MTAP: variants seen among roughly 807,000 people sequenced by gnomAD.
The protein encoded by MTAP is methylthioadenosine phosphorylase, also known as S-methyl-5'-thioadenosine phosphorylase.
A neutral mutation model predicts 33.6 loss-of-function variants in MTAP; 33 were observed. The ratio of observed to expected loss-of-function variants is 0.98; its 90% CI spans 0.74 to 1.31. The LOEUF is 1.31. Ranked by LOEUF, MTAP falls within the 40% of genes most tolerant of loss-of-function variation. The pLI is 0.00. For synonymous variants in MTAP, 148 were observed against 125.7 expected, an observed-to-expected ratio of 1.18 and a Z score of -1.19; for missense variants, 367 against 360.0, an observed-to-expected ratio of 1.02 and a Z score of -0.16.
At chr9:21,887,268 C>T (rs537942686) in intron 1 of MTAP, among the ~76,000 whole-genome samples, 1 of 152,058 alleles carries the variant, frequency 6.6e-6, no homozygotes, top group African/African-American at 2.4e-5. Context: ...CCTCTCCCCC[C>T]ACCCCATAAT....
chr9:21,915,017 T>TTCCCTCCCTCCCTCCCTCCCTCCCTCCC (rs1554649225), intron 1 of MTAP, among the ~76,000 whole-genome samples: 7 of 95,962 alleles, frequency 7.3e-5, no homozygotes, highest in Admixed American at 1.2e-4. Flanking sequence ...CCTTCCTTCC[T>TTCCCTCCCTCCCTCCCTCCCTCCCTCCC]TCCTTCCTTC....
chr9:21,939,388 G>C (rs7872310), downstream of MTAP, among the ~76,000 whole-genome samples: 2 of 152,078 alleles, frequency 1.3e-5, no homozygotes, highest in Non-Finnish European at 2.9e-5. Context: ...CAGATTTAAC[G>C]TAACTTTTTC....
chr9:21,880,258 T>C (rs576596432), intron 1 of MTAP, among the ~76,000 whole-genome samples: 3 of 152,240 alleles, frequency 2.0e-5, no homozygotes, highest in Admixed American at 1.3e-4. Flanking sequence ...TTTTGCCATA[T>C]CATTTTACAA....
Position 21,915,050 on chromosome 9 carries a change from TCCTTCC to T in MTAP, c.148-15957_148-15952del, listed in dbSNP as rs1479308436. The stretch of plus-strand genomic sequence containing the variant: ...TTCCTTCCTTCCTTCCTTCCTTCCT[TCCTTCC>T]TTTCTTTCTTTCTTTCTTTCTTTCT... On this transcript the variant is annotated intron_variant, in intron 1 of 1. Coordinates refer to the MTAP transcript ENST00000577563. Among the ~76,000 whole-genome samples, 58 of 104,030 alleles carry T rather than the reference TCCTTCC, an allele frequency of 5.6e-4. 3 individuals carry two copies. Among genetic ancestry groups the T allele is most frequent in the South Asian group, 1.4e-3 (4 of 2,878 alleles). 68.2% of individuals were successfully genotyped at this position (104,030 alleles called of 152,430 possible).
intron 5 of MTAP, among the ~76,000 whole-genome samples, chr9:21,844,773 A>G (rs11532907): frequency 0.38 from 57,413 of 152,026 alleles, 11,608 homozygotes; most frequent in Admixed American, 0.47. Context: ...GGTGGCTCAC[A>G]CCTGTAATCC....
intron 1 of MTAP, among the ~76,000 whole-genome samples, chr9:21,809,836 G>C (rs1824300928): frequency 6.6e-6 from 1 of 152,186 alleles, no homozygotes; most frequent in South Asian, 2.1e-4. Context: ...TGGTTCAGGA[G>C]GGTGGGTGGC....
intron 1 of MTAP, among the ~76,000 whole-genome samples, chr9:21,920,935 G>T (rs1348127865): frequency 6.6e-6 from 1 of 152,128 alleles, no homozygotes. Context: ...TGTAGAAAGA[G>T]TTTGGAAGTA....
Position 21,802,674 on chromosome 9 carries a change from G to T in MTAP, c.-75G>T, listed in dbSNP as rs965743631. ...ACTCCCGCGCAGTGAGGTTGGCACA[G>T]CCACCGCTCTGTGGCTCGCTTGGTT... On this transcript the variant is annotated 5_prime_UTR_variant, in exon 1 of 8. Coordinates refer to ENST00000644715, the MANE Select transcript of MTAP (RefSeq NM_002451.4). 6.3e-7 allele frequency: 1 copy of T among 1,576,338 alleles called. No homozygotes were observed. Among genetic ancestry groups the T allele is most frequent in the East Asian group, 2.3e-5 (1 of 44,012 alleles).
chr9:21,802,867 ATGCGCCCGGCCCG>A, intron 1 of MTAP, 86 bp downstream of exon 1: 12 of 1,561,962 alleles, frequency 7.7e-6, no homozygotes, highest in Non-Finnish European at 1.0e-5. Flanking sequence ...TCCGGGGGCC[ATGCGCCCGGCCCG>A]TGCGTCCCTT....
chr9:21,897,821 G>C (rs1818321881), intron 1 of MTAP, among the ~76,000 whole-genome samples: 1 of 152,114 alleles, frequency 6.6e-6, no homozygotes, highest in Non-Finnish European at 1.5e-5. Context: ...GTAATTTATA[G>C]ATTCAATGCC....
At position 21,859,326 on chromosome 9, in the gene MTAP, G is replaced by A. The variant is rs753049769; in HGVS notation, c.714G>A (p.Lys238=). Residue 238 remains lysine (K), a synonymous_variant, in exon 7 of 8, where the codon AAG becomes AAA. Coordinates refer to ENST00000644715, the MANE Select transcript of MTAP (RefSeq NM_002451.4). The part of the protein sequence containing the change: ...EEAVSVDRVL[K]TLKENANKAK... The stretch of plus-strand genomic sequence containing the variant: ...AGGTTTCGGTGGACCGGGTCTTAAA[G>A]ACCCTGAAAGAAAACGCTAATAAAG... The A allele has an allele frequency of 5.6e-6, 9 of 1,612,832 alleles. No homozygotes were observed. The highest frequency in any genetic ancestry group is 7.6e-6 in the Non-Finnish European group (9 of 1,179,542).
At chr9:21,906,835 A>G (rs1282600238) in intron 1 of MTAP, among the ~76,000 whole-genome samples, 1 of 152,240 alleles carries the variant, frequency 6.6e-6, no homozygotes, top group Non-Finnish European at 1.5e-5. Context: ...CAATTACCAG[A>G]ATATAGAGTA....
chr9:21,851,818 T>G (rs1825518724), intron 5 of MTAP, among the ~76,000 whole-genome samples: 1 of 152,132 alleles, frequency 6.6e-6, no homozygotes, highest in South Asian at 2.1e-4. Flanking sequence ...AGAAAATTGT[T>G]AAAAGAGAGA....
At position 21,887,445 on chromosome 9, in the gene MTAP, C is replaced by T. The variant is rs181440450; in HGVS notation, c.147+32575C>T. Among the ~76,000 whole-genome samples, 214 of 152,266 alleles carry T rather than the reference C, an allele frequency of 1.4e-3. 2 individuals carry two copies. Among genetic ancestry groups the T allele is most frequent in the African/African-American group, 5.1e-3 (211 of 41,540 alleles). On this transcript the variant is annotated intron_variant, in intron 1 of 1. Coordinates refer to the MTAP transcript ENST00000577563. ...GTCCCTACAAAGGACATGAACTCAT[C>T]ATTTTTTATGGCTGCATAGTATTCC...
At chr9:21,940,251 T>C (rs1446205930), downstream of MTAP, among the ~76,000 whole-genome samples, 1 of 152,222 alleles carries the variant, frequency 6.6e-6, no homozygotes, top group Admixed American at 6.5e-5. Flanking sequence ...TGAGACTCCT[T>C]ATTAAAAGTC....
chr9:21,826,624 A>G (rs201981972), intron 4 of MTAP, among the ~76,000 whole-genome samples: 8 of 142,774 alleles, frequency 5.6e-5, no homozygotes, highest in East Asian at 2.4e-4. Context: ...TATTATTATT[A>G]TTATTATTAT....
intron 1 of MTAP, among the ~76,000 whole-genome samples, chr9:21,905,565 G>A (rs958554513): frequency 2.0e-5 from 3 of 152,112 alleles, no homozygotes; most frequent in African/African-American, 4.8e-5. Context: ...TTTCACTACA[G>A]GAGGTTAGAA....
intron 1 of MTAP, among the ~76,000 whole-genome samples, chr9:21,888,919 C>T (rs900062975): frequency 6.6e-6 from 1 of 152,038 alleles, no homozygotes; most frequent in Admixed American, 6.6e-5. Context: ...TAAAGGAAAA[C>T]CTATCAGATT....
chr9:21,897,182 C>A (rs1042925176), intron 1 of MTAP, among the ~76,000 whole-genome samples: 2 of 152,224 alleles, frequency 1.3e-5, no homozygotes, highest in South Asian at 4.1e-4. Flanking sequence ...ATTCAGCAGC[C>A]CTTCATGCTA....
Sources: gnomAD v4.1 joint callset for allele counts (sites outside exome capture counted in the v4.1 genomes callset) on GRCh38, gnomAD v4.1.1 for gene constraint, MANE v1.5 for transcripts, NCBI Gene and HGNC (gene_info 2026-07-23, HGNC 2026-07-21) for gene names.